IRAG1: variants seen among roughly 807,000 people sequenced by gnomAD.
IRAG1 encodes the protein inositol 1,4,5-triphosphate receptor associated 1, also known as IP3R-associated cGMP kinase substrate.
IRAG1 carries 62 observed loss-of-function variants against 106.2 expected under a neutral mutation model. The ratio of observed to expected loss-of-function variants is 0.58; its 90% CI spans 0.48 to 0.72. The LOEUF is 0.72. Among genes scored for constraint, IRAG1 ranks in the 30% least tolerant of loss-of-function variants. The probability of loss-of-function intolerance (pLI) is 0.00; values close to 1 mark genes in which losing one functional copy is unlikely to be tolerated. For synonymous variants in IRAG1, 462 were observed against 443.9 expected (o/e 1.04, Z -0.51); for missense variants, 1,064 against 1,140.7 (o/e 0.93, Z 0.97).
intron 20 of IRAG1, among the ~76,000 whole-genome samples, chr11:10,577,160 C>T (rs1428986801): frequency 1.3e-5 from 2 of 152,198 alleles, no homozygotes; most frequent in African/African-American, 2.4e-5. Flanking sequence ...GAGTTCACTT[C>T]AAACCATCCA....
chr11:10,673,384 G>C (rs1324329292), intron 1 of IRAG1, among the ~76,000 whole-genome samples: 1 of 152,124 alleles, frequency 6.6e-6, no homozygotes, highest in Non-Finnish European at 1.5e-5. Flanking sequence ...TATGGTAAGT[G>C]AAAGAAGCCA....
intron 20 of IRAG1, among the ~76,000 whole-genome samples, chr11:10,577,435 C>T (rs1850940620): frequency 6.6e-6 from 1 of 152,132 alleles, no homozygotes; most frequent in South Asian, 2.1e-4. Context: ...GGGCAGATGG[C>T]CTGCTTTGAC....
chr11:10,642,485 T>C (rs372926436), intron 2 of IRAG1, among the ~76,000 whole-genome samples: 4 of 151,968 alleles, frequency 2.6e-5, no homozygotes, highest in Admixed American at 1.3e-4. Flanking sequence ...CAGGCAGGCA[T>C]GGGGGGTTTA....
chr11:10,675,763 CCT>C (rs1197267323), intron 1 of IRAG1, among the ~76,000 whole-genome samples: 1 of 152,214 alleles, frequency 6.6e-6, no homozygotes, highest in African/African-American at 2.4e-5. Context: ...GCCCCTTCAT[CCT>C]CTTATTCAGC....
intron 2 of IRAG1, among the ~76,000 whole-genome samples, chr11:10,641,705 C>G (rs1007077464): frequency 1.3e-5 from 2 of 152,146 alleles, no homozygotes; most frequent in Non-Finnish European, 2.9e-5. Context: ...GGTGATAATG[C>G]CTCCCAAACT....
intron 10 of IRAG1, among the ~76,000 whole-genome samples, chr11:10,612,529 C>A (rs1855053718): frequency 6.6e-6 from 1 of 151,862 alleles, no homozygotes; most frequent in Non-Finnish European, 1.5e-5. Flanking sequence ...AAGGAGTCAA[C>A]AAAAACTAAC....
chr11:10,680,393 G>A (rs1304973892), intron 1 of IRAG1, among the ~76,000 whole-genome samples: 32 of 59,814 alleles, frequency 5.3e-4, no homozygotes, highest in African/African-American at 3.5e-3. Flanking sequence ...AGGAAGGAAG[G>A]AAGGAAGGAA....
At chr11:10,626,722 G>T in intron 8 of IRAG1, 139 bp from the exon 9 acceptor site, 3 of 1,008,306 alleles carry the variant, frequency 3.0e-6, no homozygotes, top group South Asian at 2.2e-5. Context: ...GGGTATGAGT[G>T]GACGATGTGG....
At chr11:10,676,197 G>A (rs1294253938) in intron 1 of IRAG1, among the ~76,000 whole-genome samples, 1 of 152,262 alleles carries the variant, frequency 6.6e-6, no homozygotes. Context: ...GACACAGAAA[G>A]TGATGGAGGA....
chr11:10,693,508 G>T (rs1172432527), intron 1 of IRAG1, 28 bp downstream of exon 1: 1 of 1,535,386 alleles, frequency 6.5e-7, no homozygotes, highest in Admixed American at 2.0e-5. Flanking sequence ...GAAGAGGCAG[G>T]TTATTCTAGG....
At chr11:10,629,298 C>T (rs1856510105) in intron 5 of IRAG1, among the ~76,000 whole-genome samples, 1 of 152,180 alleles carries the variant, frequency 6.6e-6, no homozygotes, top group South Asian at 2.1e-4. Flanking sequence ...AACCTTCCCT[C>T]TAACCCAGAA....
chr11:10,609,893 C>T, intron 10 of IRAG1, 42 bp from the exon 11 acceptor site: 1 of 1,602,442 alleles, frequency 6.2e-7, no homozygotes. Flanking sequence ...TCTTTGAAAT[C>T]ACAGTAGTAC....
At chr11:10,635,900 T>A (rs913108887) in intron 2 of IRAG1, among the ~76,000 whole-genome samples, 1 of 152,088 alleles carries the variant, frequency 6.6e-6, no homozygotes, top group Non-Finnish European at 1.5e-5. Flanking sequence ...TGTGTTCTTA[T>A]CCGGGAGCGA....
At chr11:10,623,897 C>T in intron 9 of IRAG1, 41 bp from the exon 10 acceptor site, 1 of 1,568,710 alleles carries the variant, frequency 6.4e-7, no homozygotes, top group Non-Finnish European at 8.8e-7. Context: ...CAGATGATGA[C>T]ACTGGGCTGG....
intron 15 of IRAG1, among the ~76,000 whole-genome samples, chr11:10,594,398 CT>C (rs1477476625): frequency 6.6e-6 from 1 of 152,110 alleles, no homozygotes; most frequent in East Asian, 1.9e-4. Flanking sequence ...TGGACAAAAC[CT>C]TTATCCTAAC....
At chr11:10,606,977 T>C (rs926597247) in intron 11 of IRAG1, among the ~76,000 whole-genome samples, 6 of 152,176 alleles carry the variant, frequency 3.9e-5, no homozygotes, top group African/African-American at 1.4e-4. Flanking sequence ...TCTGTGACTT[T>C]GGACAAGTTA....
In IRAG1 at chr11:10,657,355, C is replaced by G. The variant is rs551711656; in HGVS notation, c.68-5173G>C. On this transcript the variant is annotated intron_variant, in intron 1 of 20. Coordinates refer to ENST00000423302, the MANE Select transcript of IRAG1 (RefSeq NM_130385.4). This position sits in a 1 kb window ranked among gnomAD's most constrained non-coding sequence, Gnocchi z 4.1. ...GCTCCCCTTCCTTGCAGGGCCAAGC[C>G]TGTTCTCGGCAGGCAGCAGCAGCCT... Among the ~76,000 whole-genome samples the G allele has an allele frequency of 3.3e-5, 5 of 152,322 alleles. No homozygotes were observed.
chr11:10,673,826 A>T (rs1860440009), intron 1 of IRAG1, among the ~76,000 whole-genome samples: 1 of 152,196 alleles, frequency 6.6e-6, no homozygotes, highest in South Asian at 2.1e-4. Context: ...CATCTCTGAA[A>T]TTGCTGAGGA....
chr11:10,631,602 G>C (rs1856693987), intron 4 of IRAG1, among the ~76,000 whole-genome samples: 1 of 152,224 alleles, frequency 6.6e-6, no homozygotes, highest in Non-Finnish European at 1.5e-5. Flanking sequence ...GCCCAGGGCA[G>C]ATCGTGAGCC....
Sources: allele counts gnomAD v4.1 joint callset (sites outside exome capture counted in the v4.1 genomes callset), GRCh38; gene constraint gnomAD v4.1.1; non-coding constraint Gnocchi (gnomAD v3.1); transcripts MANE v1.5; gene names NCBI Gene and HGNC (gene_info 2026-07-23, HGNC 2026-07-21).